LRMDA: variants seen among roughly 807,000 people sequenced by gnomAD.
The protein encoded by LRMDA is leucine rich melanocyte differentiation associated, also known as leucine-rich melanocyte differentiation-associated protein.
In LRMDA, 18 loss-of-function variants were observed where a neutral mutation model predicts 29.8. That is an observed-to-expected ratio of 0.60 (90% CI 0.42 to 0.90). The LOEUF is 0.90. Ranked by LOEUF, LRMDA falls within the 40% of genes least tolerant of loss-of-function variation. The probability of loss-of-function intolerance (pLI) is 0.00; values close to 1 mark genes in which losing one functional copy is unlikely to be tolerated. For synonymous variants in LRMDA, 125 were observed against 109.4 expected (o/e 1.14, Z -0.89); for missense variants, 273 against 273.9 (o/e 1.00, Z 0.02).
chr10:75,842,056 C>T (rs2132301736), intron 2 of LRMDA, among the ~76,000 whole-genome samples: 1 of 152,314 alleles, frequency 6.6e-6, no homozygotes, highest in East Asian at 1.9e-4. Context: ...GAAATGAAAA[C>T]CATTGAAATT....
intron 5 of LRMDA, among the ~76,000 whole-genome samples, chr10:76,106,714 C>T (rs895208871): frequency 2.6e-5 from 4 of 152,182 alleles, no homozygotes; most frequent in Non-Finnish European, 5.9e-5. Flanking sequence ...ATTGAAAACA[C>T]CCTTCCTGTG....
chr10:75,755,206 G>A (rs987072793), intron 2 of LRMDA, among the ~76,000 whole-genome samples: 9 of 152,046 alleles, frequency 5.9e-5, no homozygotes, highest in African/African-American at 2.2e-4. Flanking sequence ...TCACTTTATT[G>A]TGCTCATGGT....
At chr10:75,709,811 C>T (rs1446712224) in intron 2 of LRMDA, among the ~76,000 whole-genome samples, 1 of 152,086 alleles carries the variant, frequency 6.6e-6, no homozygotes, top group Non-Finnish European at 1.5e-5. Flanking sequence ...AACCCTGTCT[C>T]CTCCCTGAAA....
intron 2 of LRMDA, among the ~76,000 whole-genome samples, chr10:75,658,951 G>A (rs1287112762): frequency 1.3e-5 from 2 of 152,164 alleles, no homozygotes; most frequent in African/African-American, 2.4e-5. Flanking sequence ...GTGGGCTCAG[G>A]TTTGGAGCCC....
chr10:76,396,619 C>T (rs945776096), intron 6 of LRMDA: 13 of 152,164 alleles, frequency 8.5e-5, no homozygotes, highest in African/African-American at 2.9e-4. Context: ...ATTAAAGAGC[C>T]GGTGATGCCG....
Position 76,164,060 on chromosome 10 carries a change from A to G in LRMDA, c.516+105277A>G, listed in dbSNP as rs571086141. Among the ~76,000 whole-genome samples the G allele has an allele frequency of 2.0e-5, 3 of 152,290 alleles. No homozygotes were observed. In the South Asian group the frequency reaches 6.2e-4, roughly 32 times the overall value. The stretch of plus-strand genomic sequence containing the variant: ...CAACCCTCTGAAGTTTCCTAGGAAA[A>G]TTCATGGACTCTCAGAGAACCAAGT... On this transcript the variant is annotated intron_variant, in intron 5 of 6. Coordinates refer to ENST00000611255, the MANE Select transcript of LRMDA (RefSeq NM_001305581.2).
chr10:75,524,410 G>A (rs74377247), intron 2 of LRMDA, among the ~76,000 whole-genome samples: 1,912 of 152,156 alleles, frequency 0.013, 34 homozygotes, highest in African/African-American at 0.039. Context: ...GTATAATGGG[G>A]GACCAATAAA....
intron 6 of LRMDA, among the ~76,000 whole-genome samples, chr10:76,552,353 G>T (rs1013467728): frequency 3.9e-5 from 6 of 152,176 alleles, no homozygotes; most frequent in Admixed American, 1.3e-4. Context: ...AATGCAGATT[G>T]CAGGAAAGTT....
At chr10:76,255,155 T>C (rs1454840767) in intron 5 of LRMDA, among the ~76,000 whole-genome samples, 1 of 152,228 alleles carries the variant, frequency 6.6e-6, no homozygotes, top group Admixed American at 6.5e-5. Flanking sequence ...AAAAGGTCAT[T>C]AAAATCAAGT....
intron 2 of LRMDA, among the ~76,000 whole-genome samples, chr10:75,932,087 A>G (rs1390577371): frequency 6.6e-6 from 1 of 152,196 alleles, no homozygotes; most frequent in Non-Finnish European, 1.5e-5. Context: ...TATATCAATA[A>G]CAAGTTTTTT....
intron 5 of LRMDA, among the ~76,000 whole-genome samples, chr10:76,095,468 G>C (rs983915019): frequency 3.9e-5 from 6 of 152,220 alleles, no homozygotes; most frequent in Admixed American, 3.9e-4. Flanking sequence ...CATGAAATTT[G>C]TGTGTGGACG....
chr10:76,034,069 A>G (rs1848197938), intron 2 of LRMDA, among the ~76,000 whole-genome samples: 1 of 152,236 alleles, frequency 6.6e-6, no homozygotes, highest in Non-Finnish European at 1.5e-5. Context: ...GGAACACAGA[A>G]CAGGAGAGTT....
At chr10:75,912,334 G>A (rs889385863) in intron 2 of LRMDA, among the ~76,000 whole-genome samples, 1 of 152,180 alleles carries the variant, frequency 6.6e-6, no homozygotes, top group Admixed American at 6.5e-5. Flanking sequence ...AATTTCTGAT[G>A]AATGTTGCAG....
At chr10:75,751,789 C>T (rs1842972361) in intron 2 of LRMDA, among the ~76,000 whole-genome samples, 1 of 152,050 alleles carries the variant, frequency 6.6e-6, no homozygotes, top group Non-Finnish European at 1.5e-5. Context: ...TAATGGGTCA[C>T]ACGTACTGAT....
chr10:75,781,852 A>G (rs1169616510), intron 2 of LRMDA, among the ~76,000 whole-genome samples: 1 of 152,192 alleles, frequency 6.6e-6, no homozygotes, highest in Non-Finnish European at 1.5e-5. Context: ...ACTTGTTTCA[A>G]ATCCCCCAGC....
intron 2 of LRMDA, among the ~76,000 whole-genome samples, chr10:75,631,647 C>T (rs924174014): frequency 6.6e-6 from 1 of 152,144 alleles, no homozygotes; most frequent in Non-Finnish European, 1.5e-5. Flanking sequence ...TTTGATTTCT[C>T]TCTTGGTGAG....
At chr10:76,213,299 T>A (rs1851669172) in intron 5 of LRMDA, among the ~76,000 whole-genome samples, 1 of 152,198 alleles carries the variant, frequency 6.6e-6, no homozygotes, top group Non-Finnish European at 1.5e-5. Context: ...CTTGACCACA[T>A]CAAGTTGTGA....
intron 6 of LRMDA, among the ~76,000 whole-genome samples, chr10:76,478,048 A>G (rs926320721): frequency 1.3e-5 from 2 of 152,160 alleles, no homozygotes; most frequent in Non-Finnish European, 2.9e-5. Flanking sequence ...CAAAATTGAG[A>G]AATGGGATCT....
At chr10:75,828,397 CTAGGAGGAAAAGAAAA>C (rs943324686) in intron 2 of LRMDA, among the ~76,000 whole-genome samples, 9 of 152,056 alleles carry the variant, frequency 5.9e-5, no homozygotes, top group African/African-American at 2.2e-4. Flanking sequence ...TCTGCCAAAA[CTAGGAGGAAAAGAAAA>C]TATTAACAAC....
Sources: allele counts gnomAD v4.1 joint callset (sites outside exome capture counted in the v4.1 genomes callset), GRCh38; gene constraint gnomAD v4.1.1; transcripts MANE v1.5; gene names NCBI Gene and HGNC (gene_info 2026-07-23, HGNC 2026-07-21).